PCNX3: variants seen among roughly 807,000 people sequenced by gnomAD.
PCNX3 encodes pecanex 3, also known as pecanex-like protein 3.
In PCNX3, 58 loss-of-function variants were observed where a neutral mutation model predicts 207.2. The ratio of observed to expected loss-of-function variants is 0.28; its 90% confidence interval spans 0.23 to 0.35. The LOEUF is 0.35. Among genes scored for constraint, PCNX3 ranks in the 10% least tolerant of loss-of-function variants. The probability of loss-of-function intolerance (pLI) is 1.00; values close to 1 mark genes in which losing one functional copy is unlikely to be tolerated. For missense variants in PCNX3, 2,410 were observed against 2,774.4 expected (o/e 0.87, Z 2.95); for synonymous variants, 1,337 against 1,183.5 (o/e 1.13, Z -2.66).
At position 65,627,548 on chromosome 11, in the gene PCNX3, T is replaced by C. The variant is rs763126612; in HGVS notation, c.3668T>C (p.Leu1223Pro). 1 of 1,613,850 alleles carries C rather than the reference T, an allele frequency of 6.2e-7. No homozygotes were observed. Among genetic ancestry groups the C allele is most frequent in the East Asian group, 2.2e-5 (1 of 44,858 alleles). Residue 1223 changes from leucine (L) to proline (P), a missense_variant, in exon 22 of 35, where the codon CTT (leucine) becomes CCT (proline). Around this residue, in one of 8 missense-constraint regions of PCNX3, gnomAD observed 333 missense variants for 386.8 expected, o/e 0.86. Coordinates refer to ENST00000355703, the MANE Select transcript of PCNX3 (RefSeq NM_032223.4). Reference protein sequence around the residue: ...DYPRLSQGFLLDYFLMSLLCS... With the variant: ...DYPRLSQGFLPDYFLMSLLCS... ...CCGCGCCTCTCCCAGGGCTTTCTGC[T>C]TGACTACTTCCTCATGTCCCTGCTT...
In PCNX3 at chr11:65,625,400, C is replaced by A. The variant is rs544314270; in HGVS notation, c.3030-5C>A. 2.5e-6 allele frequency: 4 copies of A among 1,602,554 alleles called. No individual in the cohort carries two copies. Among genetic ancestry groups the A allele is most frequent in the Non-Finnish European group, 3.4e-6 (4 of 1,177,936 alleles). On this transcript the variant is annotated splice_region_variant and splice_polypyrimidine_tract_variant and intron_variant, in intron 17 of 34. Transcript: ENST00000355703. The surrounding 1 kb of genome is among the most constrained non-coding windows in gnomAD (Gnocchi z 5.6). ...GGCCTCCTCCTGACTCTTCCTCACC[C>A]CCAGGTCTCTGATCCGGAGCAAGCT... is the stretch of plus-strand genomic sequence containing the variant.
At chr11:65,620,747 C>T (rs1423295152) in intron 9 of PCNX3, 84 bp from the exon 10 acceptor site, 5 of 1,531,870 alleles carry the variant, frequency 3.3e-6, no homozygotes, top group South Asian at 2.4e-5. Flanking sequence ...ACAGCCCTAC[C>T]TGCCTGGCCT....
rs267603116 is a variant in PCNX3 at position 65,624,478 on chromosome 11, C to T, written c.2724C>T (p.Thr908=). 1 of 1,598,092 alleles carries T rather than the reference C, an allele frequency of 6.3e-7. No individual in the cohort carries two copies. Among genetic ancestry groups the T allele is most frequent in the Non-Finnish European group, 8.5e-7 (1 of 1,172,140 alleles). The change falls in exon 15 of 35, where the codon ACC becomes ACT. Residue 908 remains threonine (T), a synonymous_variant. Transcript: ENST00000355703. ...GTGTCCCCTCCCTGCCAGTGTTCAC[C>T]CTGTGCTTCCCCTTCGTCTTCCTCC... ...FCARDVATVF[T]LCFPFVFLLG...
chr11:65,624,711 C>T, intron 15 of PCNX3, 130 bp downstream of exon 15: 1 of 976,202 alleles, frequency 1.0e-6, no homozygotes, highest in South Asian at 1.6e-5. Context: ...AGGTTTCTGC[C>T]TTCTCCCCTC....
chr11:65,630,124 G>A (rs1203723526), intron 26 of PCNX3, among the ~76,000 whole-genome samples: 1 of 152,196 alleles, frequency 6.6e-6, no homozygotes, highest in Admixed American at 6.5e-5. Flanking sequence ...AGTGCAGAGG[G>A]GCCAGACCGT....
intron 27 of PCNX3, among the ~76,000 whole-genome samples, chr11:65,632,492 A>G (rs1855656109): frequency 6.8e-6 from 1 of 145,990 alleles, no homozygotes; most frequent in Non-Finnish European, 1.5e-5. Flanking sequence ...GAAGGGCTAC[A>G]AGAGCAGGAA....
At position 65,623,884 on chromosome 11, in the gene PCNX3, C is replaced by T. The variant is rs375391822; in HGVS notation, c.2512-45C>T. 17 of 1,611,874 alleles carry T rather than the reference C, an allele frequency of 1.1e-5. No individual in the cohort carries two copies. In the South Asian group the frequency reaches 1.1e-4, roughly 10 times the overall value. ...ACAGGTCTGGGGCCTCTGACCATCC[C>T]GTGGGCATCGGCTCTAGTTGCCAAC... On this transcript the variant is annotated intron_variant, in intron 12 of 34. Coordinates refer to ENST00000355703, the MANE Select transcript of PCNX3 (RefSeq NM_032223.4).
intron 6 of PCNX3, 143 bp downstream of exon 6, chr11:65,619,210 T>G: frequency 2.5e-6 from 2 of 813,638 alleles, no homozygotes; most frequent in Non-Finnish European, 1.9e-6. Flanking sequence ...TGGTGGTGAT[T>G]GACATTGTCT....
Position 65,618,339 on chromosome 11 carries a change from C to T in PCNX3, c.977C>T (p.Pro326Leu). ...ACCAACTCCACCCATCTGGACAGCC[C>T]CCCAGGGGGGCCAGCCCCTGAGGGC... ...EKTNSTHLDS[P>L]PGGPAPEGSD... Residue 326 changes from proline (P) to leucine (L), a missense_variant, in exon 6 of 35, where the codon CCC becomes CTC. Around this residue, in one of 8 missense-constraint regions of PCNX3, gnomAD observed 1,104 missense variants for 970.3 expected, o/e 1.14. Coordinates refer to ENST00000355703, the MANE Select transcript of PCNX3 (RefSeq NM_032223.4). 1.2e-6 allele frequency: 2 copies of T among 1,611,972 alleles called. No individual in the cohort carries two copies. Among genetic ancestry groups the T allele is most frequent in the Non-Finnish European group, 1.7e-6 (2 of 1,179,276 alleles).
rs754552967 is a variant in PCNX3 at position 65,635,277 on chromosome 11, G to A, written c.5013G>A (p.Ala1671=). The A allele has an allele frequency of 1.4e-5, 22 of 1,591,396 alleles. No individual in the cohort carries two copies. In the Admixed American group the frequency reaches 1.8e-4, roughly 13 times the overall value. ...EEPAALYDAI[A]ANEERLVISH... ...CAGCAGCCCTATACGATGCCATTGC[G>A]GCCAACGAGGAGCGGCTGGTCATCT... is the stretch of plus-strand genomic sequence containing the variant. Residue 1671 remains alanine, a synonymous_variant, in exon 31 of 35, where the codon GCG becomes GCA. Transcript: ENST00000355703. This position sits in a 1 kb window ranked among gnomAD's most constrained non-coding sequence, Gnocchi z 9.9.
chr11:65,625,386 G>T lies in PCNX3; in HGVS notation c.3030-19G>T. ...GGGGAAGGAGGGGCGGCCTCCTCCT[G>T]ACTCTTCCTCACCCCCAGGTCTCTG... On this transcript the variant is annotated intron_variant, in intron 17 of 34. Transcript: ENST00000355703. This position sits in a 1 kb window ranked among gnomAD's most constrained non-coding sequence, Gnocchi z 5.6. The T allele has an allele frequency of 1.9e-6, 3 of 1,600,366 alleles. No homozygotes were observed. The highest frequency in any genetic ancestry group is 2.5e-6 in the Non-Finnish European group (3 of 1,177,058).
intron 9 of PCNX3, 40 bp from the exon 10 acceptor site, chr11:65,620,791 C>T (rs1051292334): frequency 1.9e-6 from 3 of 1,581,292 alleles, no homozygotes; most frequent in Admixed American, 3.6e-5. Context: ...AGCCCCAGGG[C>T]TCGCCCGTGG....
chr11:65,625,166 C>T lies in PCNX3; in HGVS notation c.2920-5C>T, dbSNP rs534727609. ...TCCCCTGACCAGCATGGATTCTCTCCGCAGACTCCGTGGCCAGAGCAGCAC... is the reference window on the plus strand; with the variant it reads ...TCCCCTGACCAGCATGGATTCTCTCTGCAGACTCCGTGGCCAGAGCAGCAC... On this transcript the variant is annotated splice_polypyrimidine_tract_variant and splice_region_variant and intron_variant, in intron 16 of 34. Coordinates refer to ENST00000355703, the MANE Select transcript of PCNX3 (RefSeq NM_032223.4). The surrounding 1 kb of genome is among the most constrained non-coding windows in gnomAD (Gnocchi z 5.6). 2.1e-4 allele frequency: 335 copies of T among 1,600,916 alleles called. 2 individuals are homozygous for T. In the South Asian group the frequency reaches 3.4e-3, roughly 16 times the overall value.
intron 24 of PCNX3, 115 bp from the exon 25 acceptor site, chr11:65,629,242 G>A (rs1007668376): frequency 4.4e-6 from 5 of 1,132,012 alleles, no homozygotes; most frequent in Admixed American, 2.0e-5. Flanking sequence ...TCATCTGCCT[G>A]CATAACGGGG....
chr11:65,633,630 G>A (rs76201669), intron 27 of PCNX3, among the ~76,000 whole-genome samples: 2,576 of 152,326 alleles, frequency 0.017, 84 homozygotes, highest in African/African-American at 0.06. Flanking sequence ...CCTGGCCCAC[G>A]TGCTGCACAG....
intron 11 of PCNX3, among the ~76,000 whole-genome samples, chr11:65,623,142 T>G (rs1855199262): frequency 6.6e-6 from 1 of 152,190 alleles, no homozygotes; most frequent in Non-Finnish European, 1.5e-5. Flanking sequence ...GCTGGTCCTG[T>G]GTGCATAGCG....
In PCNX3 at chr11:65,618,152, G is replaced by A; in HGVS notation, c.790G>A (p.Val264Met). 1.2e-6 allele frequency: 2 copies of A among 1,609,466 alleles called. No individual in the cohort carries two copies. Among genetic ancestry groups the A allele is most frequent in the Non-Finnish European group, 1.7e-6 (2 of 1,177,534 alleles). ...CCTGACCCAGCCTGACCGGGCCCTG[G>A]TGAGGACCAGCAGTCGACGGGAACA... ...LTLTQPDRAL[V>M]RTSSRREQRR... The change falls in exon 6 of 35, where the codon GTG (valine) becomes ATG (methionine). Residue 264 changes from valine (V) to methionine (M), a missense_variant. Physicochemically the swap from Val to Met is conservative, Grantham distance 21. Transcript: ENST00000355703.
Position 65,626,891 on chromosome 11 carries a change from CCT to C in PCNX3, c.3380-9_3380-8del, listed in dbSNP as rs1403996455. ...GTGGAAGCCAGGTGCAGAGTCCTGGCCTCTCCACACAGGTGCCGCCCAGGTGA... is the reference window on the plus strand; with the variant it reads ...GTGGAAGCCAGGTGCAGAGTCCTGGCCTCCACACAGGTGCCGCCCAGGTGA... On this transcript the variant is annotated splice_polypyrimidine_tract_variant and intron_variant, in intron 20 of 34. Coordinates refer to ENST00000355703, the MANE Select transcript of PCNX3 (RefSeq NM_032223.4). The C allele has an allele frequency of 6.3e-7, 1 of 1,579,024 alleles. No individual in the cohort carries two copies.
chr11:65,622,440 T>C (rs1436599724), intron 11 of PCNX3, 74 bp downstream of exon 11: 8 of 1,474,054 alleles, frequency 5.4e-6, no homozygotes, highest in Non-Finnish European at 7.3e-6. Flanking sequence ...TCTGTACCTG[T>C]GGAGGCAGTC....
Sources: allele counts gnomAD v4.1 joint callset (sites outside exome capture counted in the v4.1 genomes callset), GRCh38; gene constraint gnomAD v4.1.1; regional missense constraint gnomAD v4.1.1; non-coding constraint Gnocchi (gnomAD v3.1); transcripts MANE v1.5; gene names NCBI Gene and HGNC (gene_info 2026-07-23, HGNC 2026-07-21).